The following ZNF33B variants were observed in gnomAD, a reference collection of about 807,000 sequenced individuals.
The protein encoded by ZNF33B is zinc finger protein 33B, also known as zinc finger protein 11b (KOX 2).
Under a neutral mutation model 45.8 loss-of-function variants are expected in ZNF33B, and 29 were observed. That is an observed-to-expected ratio of 0.63 (90% CI 0.47 to 0.86). The LOEUF is 0.86. ZNF33B is among the 40% of genes least tolerant of loss of function. The pLI, the probability that ZNF33B is intolerant of heterozygous loss-of-function variation, is 0.00. For synonymous variants in ZNF33B, 305 were observed against 307.8 expected, an observed-to-expected ratio of 0.99 and a Z score of 0.10; for missense variants, 831 against 909.9, an observed-to-expected ratio of 0.91 and a Z score of 1.12.
At chr10:42,574,903 A>G (rs938216139) in intron 1 of ZNF33B, among the ~76,000 whole-genome samples, 2 of 152,148 alleles carry the variant, frequency 1.3e-5, no homozygotes, top group African/African-American at 4.8e-5. Context: ...ACAGTCCTTA[A>G]TTCAAAAGGG....
chr10:42,588,412 G>C (rs1176219797), downstream of ZNF33B, among the ~76,000 whole-genome samples: 1 of 152,234 alleles, frequency 6.6e-6, no homozygotes, highest in Non-Finnish European at 1.5e-5. Flanking sequence ...AGTTAGCCAA[G>C]AGCAGTTAGT....
chr10:42,592,893 T>C lies in ZNF33B; in HGVS notation c.2057A>G (p.Lys686Arg), dbSNP rs759383013. The change falls in exon 5 of 5, where the codon AAG becomes AGG. Residue 686 changes from lysine to arginine, a missense_variant. Transcript: ENST00000359467. The stretch of plus-strand genomic sequence containing the variant: ...TTCATAGGGTTTCTCCCCCGTGTGC[T>C]TTCTCTCATGTAAAATAAGTCCTGA... ...VKSGLILHER[K>R]HTGEKPYECN... The C allele has an allele frequency of 4.4e-6, 7 of 1,599,998 alleles. No homozygotes were observed. Among genetic ancestry groups the C allele is most frequent in the Admixed American group, 1.7e-5 (1 of 57,358 alleles).
intron 1 of ZNF33B, chr10:42,582,904 C>T: frequency 2.1e-6 from 1 of 482,608 alleles, no homozygotes; most frequent in East Asian, 3.8e-5. Context: ...TCTCTTTAGG[C>T]TGTTTCCAAA....
chr10:42,580,957 T>C (rs1283597442), intron 1 of ZNF33B, among the ~76,000 whole-genome samples: 1 of 151,982 alleles, frequency 6.6e-6, no homozygotes. Flanking sequence ...AGTTAAGAAA[T>C]AGCTGGAAAG....
intron 4 of ZNF33B, among the ~76,000 whole-genome samples, chr10:42,615,378 AT>A (rs1451895035): frequency 3.9e-5 from 6 of 152,240 alleles, no homozygotes; most frequent in African/African-American, 1.4e-4. Context: ...ATACCATGTT[AT>A]ATGGTAATAA....
At chr10:42,610,196 T>C (rs1458016876) in intron 4 of ZNF33B, among the ~76,000 whole-genome samples, 1 of 152,186 alleles carries the variant, frequency 6.6e-6, no homozygotes, top group Non-Finnish European at 1.5e-5. Flanking sequence ...AACAATGTTG[T>C]AGGGTGCAAG....
At chr10:42,600,895 A>C (rs954842788) in intron 4 of ZNF33B, among the ~76,000 whole-genome samples, 5 of 150,868 alleles carry the variant, frequency 3.3e-5, no homozygotes, top group African/African-American at 1.2e-4. Flanking sequence ...TTGTATACAT[A>C]TCCAAGTAGT....
intron 4 of ZNF33B, among the ~76,000 whole-genome samples, chr10:42,606,784 A>G (rs1305187506): frequency 9.4e-6 from 1 of 106,922 alleles, no homozygotes; most frequent in East Asian, 3.3e-4. Flanking sequence ...CATGTATCAC[A>G]GAACTTAAAG....
chr10:42,609,475 A>C (rs888069956), intron 4 of ZNF33B, among the ~76,000 whole-genome samples: 3 of 152,192 alleles, frequency 2.0e-5, no homozygotes, highest in Non-Finnish European at 4.4e-5. Context: ...AACAAAACCC[A>C]GGTCCATATG....
intron 4 of ZNF33B, among the ~76,000 whole-genome samples, chr10:42,629,469 CA>C (rs1206036918): frequency 6.6e-6 from 1 of 152,104 alleles, no homozygotes; most frequent in Non-Finnish European, 1.5e-5. Context: ...GTTTATAACA[CA>C]AAAGATAAAT....
chr10:42,574,609 A>C (rs1432107569), exon 2 of ZNF33B: 1 of 151,886 alleles, frequency 6.6e-6, no homozygotes, highest in Non-Finnish European at 1.5e-5. Context: ...GGAGGACAAG[A>C]AGTCAGCAAG....
chr10:42,592,537 A>G lies in ZNF33B; in HGVS notation c.*76T>C. On this transcript the variant is annotated 3_prime_UTR_variant, in exon 5 of 5. Coordinates refer to ENST00000359467, the MANE Select transcript of ZNF33B (RefSeq NM_006955.3). The stretch of plus-strand genomic sequence containing the variant: ...GTTATTGAACATTCAGGATGTCAAC[A>G]GGCCCTTCTCCACAGTGTGAAGACT... 6.6e-7 allele frequency: 1 copy of G among 1,518,400 alleles called. No individual in the cohort carries two copies. The highest frequency in any genetic ancestry group is 8.9e-7 in the Non-Finnish European group (1 of 1,128,600). 94.1% of individuals were successfully genotyped at this position (1,518,400 alleles called of 1,614,324 possible).
chr10:42,601,552 CA>C (rs1450154755), intron 4 of ZNF33B, among the ~76,000 whole-genome samples: 1 of 143,876 alleles, frequency 7.0e-6, no homozygotes, highest in East Asian at 2.2e-4. Flanking sequence ...AGCCTCACTG[CA>C]ACTTCTGCCT....
At chr10:42,624,640 C>T (rs1225960574) in intron 4 of ZNF33B, among the ~76,000 whole-genome samples, 1 of 152,100 alleles carries the variant, frequency 6.6e-6, no homozygotes. Flanking sequence ...TACTCTTGCA[C>T]TTTAGGGCCA....
chr10:42,631,020 A>C (rs1300876413), intron 4 of ZNF33B, among the ~76,000 whole-genome samples: 13 of 152,188 alleles, frequency 8.5e-5, no homozygotes, highest in Non-Finnish European at 1.6e-4. Flanking sequence ...CTCATGGCTC[A>C]CACAGTCATT....
At chr10:42,616,688 T>C (rs1838333595) in intron 4 of ZNF33B, among the ~76,000 whole-genome samples, 1 of 151,978 alleles carries the variant, frequency 6.6e-6, no homozygotes, top group African/African-American at 2.4e-5. Flanking sequence ...CAATATGTTT[T>C]TGTCCATTAC....
At chr10:42,619,465 C>T (rs1838477592) in intron 4 of ZNF33B, among the ~76,000 whole-genome samples, 1 of 152,112 alleles carries the variant, frequency 6.6e-6, no homozygotes. Context: ...TTTGTTACTA[C>T]TAGGCCTGCT....
intron 4 of ZNF33B, among the ~76,000 whole-genome samples, chr10:42,610,374 A>G (rs1368863851): frequency 6.6e-6 from 1 of 152,132 alleles, no homozygotes; most frequent in Non-Finnish European, 1.5e-5. Context: ...TGTCTCTACT[A>G]AAAATACAAA....
At chr10:42,583,554 T>C (rs946241250) in intron 1 of ZNF33B, among the ~76,000 whole-genome samples, 12 of 152,182 alleles carry the variant, frequency 7.9e-5, no homozygotes, top group African/African-American at 2.7e-4. Flanking sequence ...TTATGTCTTA[T>C]GTGACCTTTA....
Sources: gnomAD v4.1 joint callset for allele counts (sites outside exome capture counted in the v4.1 genomes callset) on GRCh38, gnomAD v4.1.1 for gene constraint, MANE v1.5 for transcripts, NCBI Gene and HGNC (gene_info 2026-07-23, HGNC 2026-07-21) for gene names.